YES1: variants seen among roughly 807,000 people sequenced by gnomAD.
YES1 encodes the protein YES proto-oncogene 1, Src family tyrosine kinase.
In YES1, 39 loss-of-function variants were observed where a neutral mutation model predicts 70.4. The ratio of observed to expected loss-of-function variants is 0.55; its 90% CI spans 0.43 to 0.72. YES1 has a LOEUF of 0.72. Among genes scored for constraint, YES1 ranks in the 30% least tolerant of loss-of-function variants. The pLI is 0.00. For synonymous variants in YES1, 198 were observed against 218.6 expected (o/e 0.91, Z 0.83); for missense variants, 495 against 644.8 (o/e 0.77, Z 2.52).
At chr18:755,635 T>C (rs1471432411) in intron 2 of YES1, among the ~76,000 whole-genome samples, 1 of 152,176 alleles carries the variant, frequency 6.6e-6, no homozygotes, top group Non-Finnish European at 1.5e-5. Flanking sequence ...ATTTATCTTT[T>C]GCACCCACTG....
chr18:738,049 T>C (rs1257408537), intron 9 of YES1: 1 of 152,120 alleles, frequency 6.6e-6, no homozygotes, highest in Admixed American at 6.5e-5. Context: ...CTAATTTTTT[T>C]TTTTTTTTAA....
intron 1 of YES1, among the ~76,000 whole-genome samples, chr18:778,376 T>C (rs1286582790): frequency 2.0e-5 from 3 of 152,242 alleles, no homozygotes; most frequent in Non-Finnish European, 4.4e-5. Flanking sequence ...GCTCAACCTA[T>C]GGCACAATCT....
At chr18:751,126 G>A (rs974919704) in intron 3 of YES1, among the ~76,000 whole-genome samples, 5 of 152,136 alleles carry the variant, frequency 3.3e-5, no homozygotes, top group African/African-American at 1.2e-4. Flanking sequence ...AAGAAAATAC[G>A]ACTGGAAGCA....
intron 6 of YES1, among the ~76,000 whole-genome samples, chr18:745,086 A>ACATTACC (rs1310676859): frequency 2.0e-5 from 3 of 152,106 alleles, no homozygotes; most frequent in Non-Finnish European, 4.4e-5. Context: ...GTCATTGAAG[A>ACATTACC]CATTACCATG....
intron 1 of YES1, among the ~76,000 whole-genome samples, chr18:787,530 C>A (rs1218587998): frequency 6.6e-6 from 1 of 151,938 alleles, no homozygotes; most frequent in Non-Finnish European, 1.5e-5. Flanking sequence ...GCCAACATGG[C>A]GAAATCCCAT....
chr18:752,030 C>T (rs764174919), intron 2 of YES1, among the ~76,000 whole-genome samples: 2 of 152,180 alleles, frequency 1.3e-5, no homozygotes, highest in African/African-American at 2.4e-5. Flanking sequence ...AATAACTAGT[C>T]TTAAACTCTC....
At chr18:804,609 CAAAA>C (rs57896154) in intron 1 of YES1, among the ~76,000 whole-genome samples, 2 of 38,772 alleles carry the variant, frequency 5.2e-5, no homozygotes, top group Non-Finnish European at 9.9e-5. Context: ...GACTGAGTCT[CAAAA>C]AAAAAAAAAA....
intron 1 of YES1, among the ~76,000 whole-genome samples, chr18:766,807 T>A (rs1468769135): frequency 6.6e-6 from 1 of 152,154 alleles, no homozygotes; most frequent in Non-Finnish European, 1.5e-5. Context: ...TCTGTTATGT[T>A]CTGGAAACAA....
intron 1 of YES1, among the ~76,000 whole-genome samples, chr18:780,615 T>C (rs953942662): frequency 6.6e-6 from 1 of 152,200 alleles, no homozygotes; most frequent in Non-Finnish European, 1.5e-5. Flanking sequence ...GTTTCAAGTA[T>C]TCTGAAAATG....
chr18:729,468 T>TA (rs2080061595), intron 11 of YES1, among the ~76,000 whole-genome samples: 1 of 151,864 alleles, frequency 6.6e-6, no homozygotes, highest in Non-Finnish European at 1.5e-5. Context: ...CTTTTTTTTT[T>TA]AATAGATTCC....
intron 3 of YES1, among the ~76,000 whole-genome samples, chr18:751,293 A>G (rs550574296): frequency 1.5e-3 from 222 of 152,312 alleles, no homozygotes; most frequent in African/African-American, 5.0e-3. Flanking sequence ...AATTTCATCA[A>G]TTGGAAAGTA....
rs1303736309 is a variant in YES1 at position 811,541 on chromosome 18, T to C, written c.-9+573A>G. ...GCGGAGTGGCATGATTCCGTAAAAGTGGACGCTGAATGGTAAATTTCCCAA... is the reference window on the plus strand; with the variant it reads ...GCGGAGTGGCATGATTCCGTAAAAGCGGACGCTGAATGGTAAATTTCCCAA... On this transcript the variant is annotated intron_variant, in intron 1 of 11. Transcript: ENST00000314574. Among the ~76,000 whole-genome samples, 2 of 152,092 alleles carry C rather than the reference T, an allele frequency of 1.3e-5. 1 individual carries two copies. The highest frequency in any genetic ancestry group is 4.8e-5 in the African/African-American group (2 of 41,402).
chr18:808,161 C>T (rs925983852), intron 1 of YES1, among the ~76,000 whole-genome samples: 2 of 152,206 alleles, frequency 1.3e-5, no homozygotes, highest in African/African-American at 4.8e-5. Context: ...ATATTGCCAT[C>T]AAGTCTGCTA....
chr18:737,222 G>A, intron 9 of YES1: 1 of 281,408 alleles, frequency 3.6e-6, no homozygotes, highest in Non-Finnish European at 6.7e-6. Flanking sequence ...GGAGGCCGAG[G>A]CAGGTGGATC....
chr18:794,238 G>A (rs1432080220), intron 1 of YES1, among the ~76,000 whole-genome samples: 1 of 152,094 alleles, frequency 6.6e-6, no homozygotes, highest in Non-Finnish European at 1.5e-5. Context: ...GAACATAATA[G>A]CCTTTAAGTG....
intron 10 of YES1, among the ~76,000 whole-genome samples, chr18:733,339 G>C (rs2080113328): frequency 6.6e-6 from 1 of 152,142 alleles, no homozygotes; most frequent in African/African-American, 2.4e-5. Flanking sequence ...ATATTCTATT[G>C]AGTTATAATG....
chr18:794,788 T>C (rs1906453303), intron 1 of YES1, among the ~76,000 whole-genome samples: 3 of 152,306 alleles, frequency 2.0e-5, no homozygotes, highest in Admixed American at 2.0e-4. Context: ...TCTCTGGGTG[T>C]CTGTCTTCAC....
At chr18:771,102 T>C (rs955039173) in intron 1 of YES1, among the ~76,000 whole-genome samples, 5 of 152,118 alleles carry the variant, frequency 3.3e-5, no homozygotes, top group Non-Finnish European at 5.9e-5. Flanking sequence ...TGGTGGCTCA[T>C]GCCTGTAATT....
intron 11 of YES1, among the ~76,000 whole-genome samples, chr18:729,186 A>G (rs1305743258): frequency 6.6e-6 from 1 of 152,064 alleles, no homozygotes; most frequent in Non-Finnish European, 1.5e-5. Context: ...GTCTGAATCC[A>G]CTAATCTTGT....
Sources: allele counts gnomAD v4.1 joint callset (sites outside exome capture counted in the v4.1 genomes callset), GRCh38; gene constraint gnomAD v4.1.1; transcripts MANE v1.5; gene names NCBI Gene and HGNC (gene_info 2026-07-23, HGNC 2026-07-21).